TBX5: variants seen among roughly 807,000 people sequenced by gnomAD.
TBX5 encodes T-box transcription factor 5, also known as T-box transcription factor TBX5.
Under a neutral mutation model 51.1 loss-of-function variants are expected in TBX5, and 8 were observed. That is an observed-to-expected ratio of 0.16 (90% CI 0.09 to 0.28). The LOEUF is 0.28. TBX5 is among the 10% of genes least tolerant of loss of function. TBX5 has a pLI of 1.00. For synonymous variants in TBX5, 302 were observed against 266.4 expected (o/e 1.13, Z -1.30); for missense variants, 589 against 671.7 (o/e 0.88, Z 1.36).
At chr12:114,371,153 G>A (rs1869879717) in intron 7 of TBX5, among the ~76,000 whole-genome samples, 1 of 152,190 alleles carries the variant, frequency 6.6e-6, no homozygotes, top group Non-Finnish European at 1.5e-5. Flanking sequence ...AAGATCTACT[G>A]ATCTATCCTA....
At chr12:114,401,413 G>A (rs566151258) in intron 3 of TBX5, among the ~76,000 whole-genome samples, 1 of 152,176 alleles carries the variant, frequency 6.6e-6, no homozygotes, top group African/African-American at 2.4e-5. Flanking sequence ...TAAAGATAAA[G>A]TCCAAGATCC....
intron 3 of TBX5, among the ~76,000 whole-genome samples, chr12:114,400,542 ACT>A (rs1482575831): frequency 1.3e-5 from 2 of 152,190 alleles, no homozygotes; most frequent in Admixed American, 6.5e-5. Context: ...ATCTCGGCTC[ACT>A]CAGCGATGGC....
chr12:114,358,121 G>A (rs1193909514), intron 8 of TBX5, among the ~76,000 whole-genome samples: 1 of 152,178 alleles, frequency 6.6e-6, no homozygotes, highest in Non-Finnish European at 1.5e-5. Flanking sequence ...AAGCCAGATT[G>A]GATTGACTTT....
intron 8 of TBX5, among the ~76,000 whole-genome samples, chr12:114,357,291 GA>G (rs997863468): frequency 2.0e-5 from 3 of 152,078 alleles, no homozygotes; most frequent in African/African-American, 7.2e-5. Context: ...TTGAAAACAA[GA>G]AAAAGTGCTG....
intron 7 of TBX5, among the ~76,000 whole-genome samples, chr12:114,372,364 G>A (rs932776569): frequency 6.6e-6 from 1 of 152,112 alleles, no homozygotes; most frequent in African/African-American, 2.4e-5. Context: ...GAGTGAGGTG[G>A]CATGAACATA....
intron 8 of TBX5, among the ~76,000 whole-genome samples, chr12:114,359,257 T>C (rs972481867): frequency 2.6e-5 from 4 of 152,190 alleles, no homozygotes; most frequent in Admixed American, 6.5e-5. Flanking sequence ...CTCTCAGGCC[T>C]CATCACATTG....
At position 114,406,055 on chromosome 12, in the gene TBX5, A is replaced by C. The variant is rs996187704; in HGVS notation, c.-466T>G. 7.2e-6 allele frequency: 7 copies of C among 978,328 alleles called. No individual in the cohort carries two copies. The highest frequency in any genetic ancestry group is 1.2e-4 in the East Asian group (1 of 8,614). 60.6% of individuals were successfully genotyped at this position (978,328 alleles called of 1,614,324 possible). On this transcript the variant is annotated 5_prime_UTR_variant, in exon 1 of 9. Transcript: ENST00000405440. ...TTCGAGGTAAGAGTCAGTCTCTCTCACTCTCTCTCCCTCTCTCTCTCTCTC... is the reference window on the plus strand; with the variant it reads ...TTCGAGGTAAGAGTCAGTCTCTCTCCCTCTCTCTCCCTCTCTCTCTCTCTC...
intron 6 of TBX5, among the ~76,000 whole-genome samples, chr12:114,386,523 C>A (rs922397006): frequency 1.3e-5 from 2 of 152,170 alleles, no homozygotes; most frequent in African/African-American, 4.8e-5. Flanking sequence ...CTATACAGCA[C>A]CTGTACACTG....
chr12:114,400,921 G>C (rs927459592), intron 3 of TBX5, among the ~76,000 whole-genome samples: 4 of 152,318 alleles, frequency 2.6e-5, no homozygotes, highest in Middle Eastern at 6.8e-3. Flanking sequence ...TGGAAAGGCG[G>C]CTCCACCCTC....
intron 7 of TBX5, among the ~76,000 whole-genome samples, chr12:114,376,272 T>TACACACAC (rs200216641): frequency 6.7e-6 from 1 of 148,498 alleles, no homozygotes; most frequent in African/African-American, 2.5e-5. Flanking sequence ...TGTGTATATA[T>TACACACAC]ATACACACAC....
At chr12:114,365,988 G>A (rs1869507672) in intron 8 of TBX5, 177 bp downstream of exon 8, 3 of 759,430 alleles carry the variant, frequency 4.0e-6, no homozygotes, top group African/African-American at 1.7e-5. Flanking sequence ...AACATGTCAA[G>A]GGAACTTTTT....
chr12:114,369,983 G>T (rs536143516), intron 7 of TBX5, among the ~76,000 whole-genome samples: 1 of 152,018 alleles, frequency 6.6e-6, no homozygotes, highest in African/African-American at 2.4e-5. Context: ...GGCCAGGCAC[G>T]GTGGCTCACA....
Position 114,391,025 on chromosome 12 carries a change from G to A in TBX5, c.663+3716C>T, listed in dbSNP as rs148136584. Among the ~76,000 whole-genome samples the A allele has an allele frequency of 3.9e-5, 6 of 152,296 alleles. No individual in the cohort carries two copies. The East Asian group carries it at 1.2e-3, about 29-fold the overall frequency. On this transcript the variant is annotated intron_variant, in intron 6 of 8. Transcript: ENST00000405440. The stretch of plus-strand genomic sequence containing the variant: ...CCCAGTGGTATATGGGTATGTGATT[G>A]CAGCCTAAGAAATGAACCATGTAGC...
intron 8 of TBX5, among the ~76,000 whole-genome samples, chr12:114,358,777 T>TTTGTTTG (rs112376095): frequency 6.6e-6 from 1 of 150,584 alleles, no homozygotes; most frequent in African/African-American, 2.5e-5. Context: ...GCGGGGTTTT[T>TTTGTTTG]TTTGTTTGTT....
At chr12:114,368,086 T>A (rs769894531) in intron 7 of TBX5, among the ~76,000 whole-genome samples, 11 of 152,318 alleles carry the variant, frequency 7.2e-5, no homozygotes, top group Middle Eastern at 3.4e-3. Flanking sequence ...CTTATGACAT[T>A]TTAAAAATTA....
chr12:114,406,496 T>C (rs1224487001), upstream of TBX5, among the ~76,000 whole-genome samples: 1 of 152,108 alleles, frequency 6.6e-6, no homozygotes, highest in Non-Finnish European at 1.5e-5. Context: ...CTCCGCAGCC[T>C]TGCAGACATT....
At chr12:114,383,296 G>A (rs1220614563) in intron 7 of TBX5, among the ~76,000 whole-genome samples, 1 of 152,132 alleles carries the variant, frequency 6.6e-6, no homozygotes, top group African/African-American at 2.4e-5. Flanking sequence ...GAGATGGCCT[G>A]GTGAGAAGGA....
intron 5 of TBX5, among the ~76,000 whole-genome samples, chr12:114,395,260 G>A (rs1871355636): frequency 6.6e-6 from 1 of 152,128 alleles, no homozygotes; most frequent in African/African-American, 2.4e-5. Flanking sequence ...AGCCTCAAGG[G>A]CACTTTTGGA....
intron 5 of TBX5, among the ~76,000 whole-genome samples, chr12:114,396,769 G>A (rs1871457972): frequency 6.6e-6 from 1 of 152,158 alleles, no homozygotes; most frequent in South Asian, 2.1e-4. Context: ...AATGGCTCCG[G>A]TTTTCCCTGG....
Sources: gnomAD v4.1 joint callset for allele counts (sites outside exome capture counted in the v4.1 genomes callset) on GRCh38, gnomAD v4.1.1 for gene constraint, MANE v1.5 for transcripts, NCBI Gene and HGNC (gene_info 2026-07-23, HGNC 2026-07-21) for gene names.